POSTN: variants seen among roughly 807,000 people sequenced by gnomAD.
POSTN encodes osteoblast specific factor 2 (fasciclin I-like).
POSTN carries 71 observed loss-of-function variants against 104.5 expected under a neutral mutation model. The ratio of observed to expected loss-of-function variants is 0.68; its 90% CI spans 0.56 to 0.83. POSTN has a LOEUF of 0.83. Ranked by LOEUF, POSTN falls within the 40% of genes least tolerant of loss-of-function variation. POSTN has a pLI of 0.00. For synonymous variants in POSTN, 355 were observed against 340.7 expected (o/e 1.04, Z -0.46); for missense variants, 949 against 1,006.8 (o/e 0.94, Z 0.78).
rs754667273 is a variant in POSTN at position 37,571,389 on chromosome 13, A to C, written c.2159T>G (p.Ile720Arg). 1 of 1,608,074 alleles carries C rather than the reference A, an allele frequency of 6.2e-7. No individual in the cohort carries two copies. The highest frequency in any genetic ancestry group is 8.5e-7 in the Non-Finnish European group (1 of 1,175,232). ...EFRLIKEGET[I>R]TEVIHGEPII... ...CGCACCTCCATGGATCACTTCAGTT[A>C]TTGTTTCACCTTCTTTAATCAGTCT... Residue 720 changes from isoleucine (I) to arginine (R), a missense_variant, in exon 18 of 23, where the codon ATA becomes AGA. Physicochemically the swap from Ile to Arg is moderately conservative, Grantham distance 97. Coordinates refer to ENST00000379747, the MANE Select transcript of POSTN (RefSeq NM_006475.3).
rs1342114846 is a variant in POSTN, at chr13:37,570,592, G to A, written c.2257C>T (p.Arg753Ter). Residue 753 changes from arginine to a stop codon, truncating the protein, a stop_gained, in exon 19 of 23, where the codon CGA (arginine) becomes TGA (stop). Transcript: ENST00000379747. LOFTEE classifies it high-confidence loss of function. ...EITEKETREE[R>*]IITGPEIKYT... ...AATTAATGGCTACCTGTAATGATTC[G>A]TTCTTCTCGTGTCTCTTTTTCAGTT... 5.0e-6 allele frequency: 8 copies of A among 1,597,156 alleles called. No homozygotes were observed. Among genetic ancestry groups the A allele is most frequent in the South Asian group, 4.4e-5 (4 of 90,594 alleles).
chr13:37,592,204 A>G (rs1214786389), intron 2 of POSTN, 40 bp from the exon 3 acceptor site: 1 of 1,187,258 alleles, frequency 8.4e-7, no homozygotes, highest in South Asian at 1.4e-5. Flanking sequence ...ATGAGAAACT[A>G]AATAGGATAC....
intron 15 of POSTN, among the ~76,000 whole-genome samples, chr13:37,578,041 T>C (rs1950466626): frequency 6.6e-6 from 1 of 152,166 alleles, no homozygotes; most frequent in South Asian, 2.1e-4. Context: ...GTTAAATATA[T>C]TTATGAAACA....
At chr13:37,577,412 G>A (rs1323232759) in intron 16 of POSTN, among the ~76,000 whole-genome samples, 1 of 152,144 alleles carries the variant, frequency 6.6e-6, no homozygotes, top group East Asian at 1.9e-4. Context: ...GGTCATTTCT[G>A]TGTCCACACA....
chr13:37,565,456 T>C (rs1298249845), intron 21 of POSTN: 1 of 152,070 alleles, frequency 6.6e-6, no homozygotes, highest in African/African-American at 2.4e-5. Flanking sequence ...ATACTCAGCA[T>C]GAAGTCCAGT....
intron 3 of POSTN, 40 bp downstream of exon 3, chr13:37,592,060 C>T: frequency 7.0e-7 from 1 of 1,433,240 alleles, no homozygotes; most frequent in African/African-American, 1.4e-5. Context: ...CCTTTCTTTG[C>T]ATATAATTCC....
At position 37,582,404 on chromosome 13, in the gene POSTN, T is replaced by C; in HGVS notation, c.1354A>G (p.Ile452Val). ...ELYNGQILETIGGKQLRVFVY... is the reference protein window; with the variant it reads ...ELYNGQILETVGGKQLRVFVY... ...AAGACTCTGAGCTGTTTGCCTCCGATGGTTTCCAGTATTTGCCCGTTGTAA... is the reference window on the plus strand; with the variant it reads ...AAGACTCTGAGCTGTTTGCCTCCGACGGTTTCCAGTATTTGCCCGTTGTAA... The change falls in exon 10 of 23, where the codon ATC (isoleucine) becomes GTC (valine). Residue 452 changes from isoleucine (I) to valine (V), a missense_variant. By Grantham distance (29) the Ile-to-Val change is conservative. Coordinates refer to ENST00000379747, the MANE Select transcript of POSTN (RefSeq NM_006475.3). 1 of 1,613,942 alleles carries C rather than the reference T, an allele frequency of 6.2e-7. No individual in the cohort carries two copies. Among genetic ancestry groups the C allele is most frequent in the Non-Finnish European group, 8.5e-7 (1 of 1,179,930 alleles).
In POSTN at chr13:37,580,617, G is replaced by A. The variant is rs866495203; in HGVS notation, c.1473C>T (p.Ile491=). 4 of 1,614,050 alleles carry A rather than the reference G, an allele frequency of 2.5e-6. No homozygotes were observed. The South Asian group carries it at 4.4e-5, about 18-fold the overall frequency. Residue 491 remains isoleucine (I), a synonymous_variant, in exon 11 of 23, where the codon ATC becomes ATT. Coordinates refer to ENST00000379747, the MANE Select transcript of POSTN (RefSeq NM_006475.3). ...RNGAIHIFRE[I]IKPAEKSLHE... is the part of the protein sequence containing the mutation. Reference sequence around the variant, plus strand: ...GGAGGGATTTCTCTGCTGGCTTGATGATCTCGCGGAATATGTGAATCGCAC... The same window carrying A: ...GGAGGGATTTCTCTGCTGGCTTGATAATCTCGCGGAATATGTGAATCGCAC...
rs530834403 is a variant in POSTN at position 37,598,103 on chromosome 13, CAG to C, written c.119+503_119+504del. Reference sequence around the variant, plus strand: ...TTACCTTTGCAAATTTTACAGAATTCAGAGTTTAAAAGTAACTTAAATGCTTC... The same window carrying C: ...TTACCTTTGCAAATTTTACAGAATTCAGTTTAAAAGTAACTTAAATGCTTC... On this transcript the variant is annotated intron_variant, in intron 1 of 22. Transcript: ENST00000379747. 5.3e-5 allele frequency among the ~76,000 whole-genome samples: 8 copies of C among 152,242 alleles called. No individual in the cohort carries two copies. In the South Asian group the frequency reaches 1.7e-3, roughly 32 times the overall value.
Position 37,588,012 on chromosome 13 carries a change from T to C in POSTN, c.442-26A>G, listed in dbSNP as rs764715108. On this transcript the variant is annotated intron_variant, in intron 4 of 22. Coordinates refer to ENST00000379747, the MANE Select transcript of POSTN (RefSeq NM_006475.3). ...CTAGGAAAAATTGCAATGATAGAAA[T>C]TCAATTTATTGTGGAACATTAGTAA... 3.9e-6 allele frequency: 6 copies of C among 1,537,654 alleles called. No individual in the cohort carries two copies. The East Asian group carries it at 9.2e-5, about 24-fold the overall frequency.
chr13:37,577,808 A>C lies in POSTN; in HGVS notation c.1963-10T>G. The C allele has an allele frequency of 6.2e-7, 1 of 1,613,474 alleles. No individual in the cohort carries two copies. The highest frequency in any genetic ancestry group is 8.5e-7 in the Non-Finnish European group (1 of 1,179,616). ...TGCTACCACGAACAAACTGAAAATA[A>C]ATGTTTATATTTAGTAACATGAAAG... On this transcript the variant is annotated splice_polypyrimidine_tract_variant and intron_variant, in intron 15 of 22. Transcript: ENST00000379747.
At chr13:37,593,344 G>A (rs979334637) in intron 2 of POSTN, among the ~76,000 whole-genome samples, 5 of 148,156 alleles carry the variant, frequency 3.4e-5, no homozygotes, top group Admixed American at 2.0e-4. Flanking sequence ...TTATTTTTTC[G>A]CATTTCATAG....
At chr13:37,569,138 A>T (rs1950191407) in intron 21 of POSTN, 162 bp downstream of exon 21, 1 of 521,900 alleles carries the variant, frequency 1.9e-6, no homozygotes, top group East Asian at 3.1e-5. Context: ...CTTCATAACT[A>T]TTAACTACCA....
chr13:37,574,440 C>T, intron 17 of POSTN, 132 bp downstream of exon 17: 1 of 1,224,360 alleles, frequency 8.2e-7, no homozygotes, highest in East Asian at 3.0e-5. Context: ...CATGAGCATG[C>T]CATTGGTATA....
chr13:37,596,713 A>T (rs968523900), intron 2 of POSTN, among the ~76,000 whole-genome samples: 2 of 152,220 alleles, frequency 1.3e-5, no homozygotes, highest in Admixed American at 6.5e-5. Context: ...TCTCCGGTAA[A>T]CTGGAATACT....
intron 7 of POSTN, among the ~76,000 whole-genome samples, chr13:37,585,249 C>T (rs938077466): frequency 1.3e-5 from 2 of 152,136 alleles, no homozygotes; most frequent in African/African-American, 4.8e-5. Flanking sequence ...TTGTTCCTTT[C>T]AGAGGAACTT....
chr13:37,582,640 T>C, intron 9 of POSTN, 126 bp from the exon 10 acceptor site: 7 of 853,436 alleles, frequency 8.2e-6, no homozygotes, highest in Non-Finnish European at 1.2e-5. Context: ...TTTGCACTCA[T>C]ATAATACATG....
intron 21 of POSTN, among the ~76,000 whole-genome samples, chr13:37,566,843 T>G (rs79609709): frequency 0.011 from 1,683 of 152,260 alleles, 33 homozygotes; most frequent in African/African-American, 0.039. Flanking sequence ...AGTGTATCAG[T>G]GACAAATCAC....
At chr13:37,569,214 G>T (rs1348660623) in intron 21 of POSTN, 86 bp downstream of exon 21, 3 of 897,846 alleles carry the variant, frequency 3.3e-6, no homozygotes, top group East Asian at 5.2e-5. Context: ...CCAATTAAAA[G>T]AAAAAATCTG....
Sources: gnomAD v4.1 joint callset for allele counts (sites outside exome capture counted in the v4.1 genomes callset) on GRCh38, gnomAD v4.1.1 for gene constraint, MANE v1.5 for transcripts, NCBI Gene and HGNC (gene_info 2026-07-23, HGNC 2026-07-21) for gene names.